ANKRD13B: variants seen among roughly 807,000 people sequenced by gnomAD.
ANKRD13B encodes ankyrin repeat domain 13B.
In ANKRD13B, 33 loss-of-function variants were observed where a neutral mutation model predicts 74.4. The ratio of observed to expected loss-of-function variants is 0.44; its 90% CI spans 0.34 to 0.59. The LOEUF (loss-of-function observed/expected upper bound fraction) is 0.59. ANKRD13B is among the 20% of genes least tolerant of loss of function. The pLI is 0.02. For synonymous variants in ANKRD13B, 341 were observed against 362.9 expected, an observed-to-expected ratio of 0.94 and a Z score of 0.68; for missense variants, 676 against 877.9, an observed-to-expected ratio of 0.77 and a Z score of 2.91.
chr17:29,606,728 TAAAAAAAAAAAAAAAAAAA>T (rs370548766), intron 1 of ANKRD13B, among the ~76,000 whole-genome samples: 2 of 62,950 alleles, frequency 3.2e-5, no homozygotes, highest in Admixed American at 2.2e-4. Flanking sequence ...CTGTCTCAAG[TAAAAAAAAAAAAAAAAAAA>T]AAAAAAAAAA....
chr17:29,610,536 TGAA>T, intron 7 of ANKRD13B, 146 bp from the exon 8 acceptor site: 1 of 548,540 alleles, frequency 1.8e-6, no homozygotes, highest in Non-Finnish European at 3.2e-6. Flanking sequence ...AATGAATGAA[TGAA>T]TGACCTCATA....
chr17:29,597,154 C>T lies in ANKRD13B; in HGVS notation c.114+3419C>T, dbSNP rs573356638. On this transcript the variant is annotated intron_variant, in intron 1 of 14. Transcript: ENST00000394859. ...GGCTCTGCGTCCCTCACCTTCCTCG[C>T]AAGCACTGTGTTTAGTCCATACATG... is the stretch of plus-strand genomic sequence containing the variant. Among the ~76,000 whole-genome samples the T allele has an allele frequency of 7.8e-4, 119 of 152,340 alleles. 1 individual carries two copies. The highest frequency in any genetic ancestry group is 2.8e-3 in the African/African-American group (115 of 41,574).
At chr17:29,610,575 CAG>C in intron 7 of ANKRD13B, 108 bp from the exon 8 acceptor site, 1 of 780,670 alleles carries the variant, frequency 1.3e-6, no homozygotes, top group Non-Finnish European at 1.9e-6. Context: ...AAGCCTGAAG[CAG>C]AGTCTCTCCA....
At position 29,612,750 on chromosome 17, in the gene ANKRD13B, G is replaced by T; in HGVS notation, c.1510G>T (p.Asp504Tyr). 1.9e-6 allele frequency: 3 copies of T among 1,602,432 alleles called. No individual in the cohort carries two copies. The South Asian group carries it at 3.3e-5, about 18-fold the overall frequency. ...GCGGGAGGCGGCGACCCGGGACGAC[G>T]ACGACGACCTGCTGCAATTCGCCAT... The part of the protein sequence containing the change: ...GQREAATRDD[D>Y]DDLLQFAIQQ... Residue 504 changes from aspartate (D) to tyrosine (Y), a missense_variant, in exon 13 of 15, where the codon GAC becomes TAC. Asp to Tyr is a radical substitution (Grantham distance 160, BLOSUM62 -3). Transcript: ENST00000394859. The surrounding 1 kb of genome is among the most constrained non-coding windows in gnomAD (Gnocchi z 6.1).
At chr17:29,601,529 A>G (rs1353582620) in intron 1 of ANKRD13B, among the ~76,000 whole-genome samples, 2 of 152,058 alleles carry the variant, frequency 1.3e-5, no homozygotes, top group Non-Finnish European at 2.9e-5. Flanking sequence ...GCCTCCTGAC[A>G]TTCTTATACA....
intron 1 of ANKRD13B, among the ~76,000 whole-genome samples, chr17:29,603,690 C>G: frequency 6.6e-6 from 1 of 152,128 alleles, no homozygotes; most frequent in Non-Finnish European, 1.5e-5. Context: ...ATTTCAGTTA[C>G]TGTACTTACT....
In ANKRD13B at chr17:29,614,349, G is replaced by A. The variant is rs1458160700; in HGVS notation, c.*767G>A. On this transcript the variant is annotated 3_prime_UTR_variant, in exon 15 of 15. Coordinates refer to ENST00000394859, the MANE Select transcript of ANKRD13B (RefSeq NM_152345.5). The stretch of plus-strand genomic sequence containing the variant: ...AGAGTGGGGAGCATATTGGGCTGGG[G>A]TAAGCACTAGACCCAAGTAGACTGG... The A allele has an allele frequency of 3.3e-5, 5 of 152,198 alleles. No homozygotes were observed. The highest frequency in any genetic ancestry group is 1.2e-4 in the African/African-American group (5 of 41,204). The allele number at this position is 152,198 out of a possible 1,614,324, so 9.4% of individuals were successfully genotyped here.
chr17:29,600,848 T>C (rs1301753299), intron 1 of ANKRD13B, among the ~76,000 whole-genome samples: 1 of 152,136 alleles, frequency 6.6e-6, no homozygotes, highest in Non-Finnish European at 1.5e-5. Flanking sequence ...TTCCATGTTC[T>C]AAAGTTGTGT....
At position 29,608,709 on chromosome 17, in the gene ANKRD13B, GGGGTTTTGGAGGAGA is replaced by G; in HGVS notation, c.422-139_422-125del. The G allele has an allele frequency of 8.3e-7, 1 of 1,200,096 alleles. No individual in the cohort carries two copies. Among genetic ancestry groups the G allele is most frequent in the South Asian group, 1.6e-5 (1 of 64,354 alleles). The allele number at this position is 1,200,096 out of a possible 1,614,324, so 74.3% of individuals were successfully genotyped here. On this transcript the variant is annotated intron_variant, in intron 4 of 14. Transcript: ENST00000394859. The surrounding 1 kb of genome is among the most constrained non-coding windows in gnomAD (Gnocchi z 6.4). ...AGTATGGTCTACACTGGCCAGGGAG[GGGGTTTTGGAGGAGA>G]GGCTGCTCTCTCTTCAGTTCCCTCC...
chr17:29,602,966 C>G (rs1176158170), intron 1 of ANKRD13B, among the ~76,000 whole-genome samples: 1 of 152,148 alleles, frequency 6.6e-6, no homozygotes, highest in African/African-American at 2.4e-5. Flanking sequence ...ATTCTCCTGC[C>G]TCAGCCCCCA....
At chr17:29,601,854 T>A (rs1295153784) in intron 1 of ANKRD13B, among the ~76,000 whole-genome samples, 2 of 152,254 alleles carry the variant, frequency 1.3e-5, no homozygotes, top group African/African-American at 2.4e-5. Context: ...GTTTCCTGGC[T>A]TACATAGTTT....
chr17:29,612,305 G>T lies in ANKRD13B; in HGVS notation c.1258+32G>T. On this transcript the variant is annotated intron_variant, in intron 11 of 14. Coordinates refer to ENST00000394859, the MANE Select transcript of ANKRD13B (RefSeq NM_152345.5). The surrounding 1 kb of genome is among the most constrained non-coding windows in gnomAD (Gnocchi z 6.1). ...CCGCACGGCCATTTCTCCTGAGCCC[G>T]TGGCGGGCCGACCGGGGTTTAGATG... The T allele has an allele frequency of 1.9e-6, 3 of 1,612,804 alleles. No individual in the cohort carries two copies. Among genetic ancestry groups the T allele is most frequent in the Non-Finnish European group, 2.5e-6 (3 of 1,179,086 alleles).
In ANKRD13B at chr17:29,609,939, A is replaced by T. The variant is rs1469234781; in HGVS notation, c.822+518A>T. On this transcript the variant is annotated intron_variant, in intron 7 of 14. Transcript: ENST00000394859. This position sits in a 1 kb window ranked among gnomAD's most constrained non-coding sequence, Gnocchi z 4.0. ...CTGGGCATGGTGGCTCATGCCTGTA[A>T]TCCCAGCGCTTTGGGAGGCCGAGGT... Among the ~76,000 whole-genome samples the T allele has an allele frequency of 6.6e-6, 1 of 152,106 alleles. No individual in the cohort carries two copies. Among genetic ancestry groups the T allele is most frequent in the African/African-American group, 2.4e-5 (1 of 41,402 alleles).
At position 29,607,786 on chromosome 17, in the gene ANKRD13B, C is replaced by A; in HGVS notation, c.159C>A (p.His53Gln). 6.2e-7 allele frequency: 1 copy of A among 1,603,044 alleles called. No individual in the cohort carries two copies. Among genetic ancestry groups the A allele is most frequent in the Non-Finnish European group, 8.5e-7 (1 of 1,179,812 alleles). Residue 53 changes from histidine (H) to glutamine (Q), a missense_variant, in exon 2 of 15, where the codon CAC (histidine) becomes CAA (glutamine). Physicochemically the swap from His to Gln is conservative, Grantham distance 24. Around this residue, in one of 4 missense-constraint regions of ANKRD13B, gnomAD observed 88 missense variants for 87.8 expected, o/e 1.00. Coordinates refer to ENST00000394859, the MANE Select transcript of ANKRD13B (RefSeq NM_152345.5). Reference protein sequence around the residue: ...QLDPRGRTPLHLATTLGHLEC... With the variant: ...QLDPRGRTPLQLATTLGHLEC... ...ATCCCCGCGGCCGGACTCCCCTGCA[C>A]CTGGCCACCACGCTGGGGCACCTTG... is the stretch of plus-strand genomic sequence containing the variant.
At chr17:29,606,811 G>A (rs1159269624) in intron 1 of ANKRD13B, among the ~76,000 whole-genome samples, 1 of 150,190 alleles carries the variant, frequency 6.7e-6, no homozygotes, top group Non-Finnish European at 1.5e-5. Context: ...CACTTTGGGA[G>A]CCCGAGCCAG....
In ANKRD13B at chr17:29,613,562, C is replaced by T; in HGVS notation, c.1861C>T (p.Leu621Phe). 1 of 1,484,914 alleles carries T rather than the reference C, an allele frequency of 6.7e-7. No individual in the cohort carries two copies. Among genetic ancestry groups the T allele is most frequent in the Non-Finnish European group, 8.9e-7 (1 of 1,117,342 alleles). 92.0% of individuals were successfully genotyped at this position (1,484,914 alleles called of 1,614,324 possible). A position where few individuals can be genotyped will look rare whatever the true frequency, so the allele number is the denominator to read the frequency against. Residue 621 changes from leucine to phenylalanine, a missense_variant, in exon 15 of 15, where the codon CTC becomes TTC. Physicochemically the swap from Leu to Phe is conservative, Grantham distance 22. Transcript: ENST00000394859. ...GGAGGAGCTGGAGCGCATCCTGAGG[C>T]TCTCACTGACCGAGCAGTAGCGCCC... ...EEEELERILR[L>F]SLTEQ
Position 29,612,301 on chromosome 17 carries a change from G to C in ANKRD13B, c.1258+28G>C. 1 of 1,613,052 alleles carries C rather than the reference G, an allele frequency of 6.2e-7. No homozygotes were observed. Among genetic ancestry groups the C allele is most frequent in the East Asian group, 2.2e-5 (1 of 44,856 alleles). On this transcript the variant is annotated intron_variant, in intron 11 of 14. Transcript: ENST00000394859. The surrounding 1 kb of genome is among the most constrained non-coding windows in gnomAD (Gnocchi z 6.1). Reference sequence around the variant, plus strand: ...GAGACCGCACGGCCATTTCTCCTGAGCCCGTGGCGGGCCGACCGGGGTTTA... The same window carrying C: ...GAGACCGCACGGCCATTTCTCCTGACCCCGTGGCGGGCCGACCGGGGTTTA...
chr17:29,602,939 C>T (rs1324680523), intron 1 of ANKRD13B, among the ~76,000 whole-genome samples: 1 of 152,056 alleles, frequency 6.6e-6, no homozygotes, highest in African/African-American at 2.4e-5. Context: ...GCAACCTCCC[C>T]TTCCCGGGTT....
At chr17:29,605,814 G>A (rs180717079) in intron 1 of ANKRD13B, among the ~76,000 whole-genome samples, 9 of 152,246 alleles carry the variant, frequency 5.9e-5, no homozygotes, top group African/African-American at 2.2e-4. Flanking sequence ...TATGGTGGCA[G>A]AGTAATTTCA....
Sources: allele counts gnomAD v4.1 joint callset (sites outside exome capture counted in the v4.1 genomes callset), GRCh38; gene constraint gnomAD v4.1.1; regional missense constraint gnomAD v4.1.1; non-coding constraint Gnocchi (gnomAD v3.1); transcripts MANE v1.5; gene names NCBI Gene and HGNC (gene_info 2026-07-23, HGNC 2026-07-21).